Variants in ADARB2 observed in about 807,000 individuals in gnomAD.
ADARB2 encodes adenosine deaminase RNA specific B2 (inactive), also known as inactive double-stranded RNA-specific editase B2.
ADARB2 carries 25 observed loss-of-function variants against 62.2 expected under a neutral mutation model. That is an observed-to-expected ratio of 0.40 (90% CI 0.29 to 0.56). The LOEUF (loss-of-function observed/expected upper bound fraction) is 0.56. ADARB2 is among the 20% of genes least tolerant of loss of function. The probability of loss-of-function intolerance (pLI) is 0.43; values close to 1 mark genes in which losing one functional copy is unlikely to be tolerated. For missense variants in ADARB2, 1,071 were observed against 1,077.4 expected, an observed-to-expected ratio of 0.99 and a Z score of 0.08; for synonymous variants, 572 against 500.8, an observed-to-expected ratio of 1.14 and a Z score of -1.90.
chr10:1,666,496 C>T (rs556993627), intron 1 of ADARB2, among the ~76,000 whole-genome samples: 2 of 152,326 alleles, frequency 1.3e-5, no homozygotes, highest in South Asian at 2.1e-4. Flanking sequence ...GAAAGCTGCC[C>T]GAGGATTTTT....
chr10:1,206,431 G>A (rs960207263), intron 7 of ADARB2, among the ~76,000 whole-genome samples: 3 of 147,088 alleles, frequency 2.0e-5, no homozygotes, highest in Non-Finnish European at 4.5e-5. Context: ...GAACTGGGGC[G>A]TCTCCTCCAA....
chr10:1,235,142 C>T (rs1271956041), intron 5 of ADARB2, among the ~76,000 whole-genome samples: 1 of 151,186 alleles, frequency 6.6e-6, no homozygotes, highest in Non-Finnish European at 1.5e-5. Flanking sequence ...GCCAGTGCTG[C>T]TCATGGCCAT....
intron 1 of ADARB2, among the ~76,000 whole-genome samples, chr10:1,568,435 C>A (rs1188050811): frequency 6.6e-6 from 1 of 152,204 alleles, no homozygotes; most frequent in Non-Finnish European, 1.5e-5. Flanking sequence ...CGCAACCAAA[C>A]TTCTCACCAG....
At chr10:1,540,149 G>A (rs1832397233) in intron 1 of ADARB2, among the ~76,000 whole-genome samples, 1 of 152,276 alleles carries the variant, frequency 6.6e-6, no homozygotes, top group African/African-American at 2.4e-5. Flanking sequence ...AACAATATAA[G>A]AAGAAAACAG....
intron 1 of ADARB2, among the ~76,000 whole-genome samples, chr10:1,595,946 C>T (rs565161287): frequency 1.3e-5 from 2 of 152,334 alleles, no homozygotes; most frequent in East Asian, 3.9e-4. Context: ...ATGCCTTCTG[C>T]ACTCTCCAGG....
chr10:1,587,187 C>T (rs1833191714), intron 1 of ADARB2, among the ~76,000 whole-genome samples: 1 of 152,086 alleles, frequency 6.6e-6, no homozygotes, highest in African/African-American at 2.4e-5. Context: ...TAATTTGTCC[C>T]TAAAGAATTA....
chr10:1,688,011 T>C (rs1175050547), intron 1 of ADARB2, among the ~76,000 whole-genome samples: 2 of 152,224 alleles, frequency 1.3e-5, no homozygotes, highest in Non-Finnish European at 1.5e-5. Context: ...TATAATATCA[T>C]TTCTCCTCAA....
At chr10:1,333,094 A>G (rs1388839154) in intron 3 of ADARB2, among the ~76,000 whole-genome samples, 2 of 152,216 alleles carry the variant, frequency 1.3e-5, no homozygotes, top group South Asian at 4.1e-4. Context: ...TCAGCTCATA[A>G]GAGAAAAGTG....
intron 1 of ADARB2, among the ~76,000 whole-genome samples, chr10:1,690,033 G>A (rs1220359801): frequency 2.0e-5 from 3 of 152,244 alleles, no homozygotes; most frequent in East Asian, 1.9e-4. Context: ...ACTGCTCACC[G>A]AAGTCTTTGC....
In ADARB2 at chr10:1,255,202, A is replaced by G. The variant is rs1367081006; in HGVS notation, c.1193-12903T>C. 6.6e-6 allele frequency among the ~76,000 whole-genome samples: 1 copy of G among 152,248 alleles called. No homozygotes were observed. Among genetic ancestry groups the G allele is most frequent in the Non-Finnish European group, 1.5e-5 (1 of 68,038 alleles). On this transcript the variant is annotated intron_variant, in intron 4 of 9. Coordinates refer to ENST00000381312, the MANE Select transcript of ADARB2 (RefSeq NM_018702.4). The surrounding 1 kb of genome is among the most constrained non-coding windows in gnomAD (Gnocchi z 4.7). ...TTGGATCCAGGAATGTCAGAAATGA[A>G]TAACTCTGCTGTTTTAACACTCATT...
intron 4 of ADARB2, among the ~76,000 whole-genome samples, chr10:1,250,589 C>G (rs1831029573): frequency 6.6e-6 from 1 of 152,122 alleles, no homozygotes. Context: ...CCTTCTCCAT[C>G]ATGTTATGAT....
intron 1 of ADARB2, among the ~76,000 whole-genome samples, chr10:1,684,108 CA>C (rs1332314261): frequency 6.6e-6 from 1 of 152,212 alleles, no homozygotes; most frequent in African/African-American, 2.4e-5. Flanking sequence ...ATAGGAGAAG[CA>C]AACTATGGAG....
chr10:1,532,915 G>A (rs1832267814), intron 1 of ADARB2, among the ~76,000 whole-genome samples: 1 of 152,082 alleles, frequency 6.6e-6, no homozygotes, highest in Admixed American at 6.5e-5. Flanking sequence ...CAGGAGCCTC[G>A]CCTCACCTGC....
chr10:1,404,153 G>C (rs1832687116), intron 1 of ADARB2, among the ~76,000 whole-genome samples: 1 of 152,254 alleles, frequency 6.6e-6, no homozygotes, highest in African/African-American at 2.4e-5. Context: ...CTAAAGATGA[G>C]CTCTAGAGGC....
At chr10:1,595,950 C>A (rs971311382) in intron 1 of ADARB2, among the ~76,000 whole-genome samples, 2 of 152,234 alleles carry the variant, frequency 1.3e-5, no homozygotes, top group Admixed American at 6.5e-5. Context: ...CTTCTGCACT[C>A]TCCAGGTGTG....
intron 1 of ADARB2, among the ~76,000 whole-genome samples, chr10:1,479,282 G>A (rs978572561): frequency 1.3e-5 from 2 of 152,222 alleles, no homozygotes; most frequent in African/African-American, 4.8e-5. Context: ...CAGCAGCCAC[G>A]TGGAGCAGGA....
At chr10:1,674,558 T>G (rs1329238837) in intron 1 of ADARB2, among the ~76,000 whole-genome samples, 1 of 152,168 alleles carries the variant, frequency 6.6e-6, no homozygotes, top group Non-Finnish European at 1.5e-5. Flanking sequence ...TGTGCAGATA[T>G]CGTTGGCCAA....
At chr10:1,371,109 C>T (rs539076866) in intron 2 of ADARB2, among the ~76,000 whole-genome samples, 2 of 152,156 alleles carry the variant, frequency 1.3e-5, no homozygotes, top group South Asian at 4.2e-4. Flanking sequence ...ACACATAGAC[C>T]CACGGAACAG....
chr10:1,401,957 T>C (rs951560588), intron 1 of ADARB2, among the ~76,000 whole-genome samples: 3 of 152,186 alleles, frequency 2.0e-5, no homozygotes, highest in Non-Finnish European at 4.4e-5. Context: ...GGGCTTGTAA[T>C]GCACATTGTG....
Sources: gnomAD v4.1 joint callset for allele counts (sites outside exome capture counted in the v4.1 genomes callset) on GRCh38, gnomAD v4.1.1 for gene constraint, Gnocchi (gnomAD v3.1) non-coding constraint, MANE v1.5 for transcripts, NCBI Gene and HGNC (gene_info 2026-07-23, HGNC 2026-07-21) for gene names.